The following RBBP8 variants were observed in gnomAD, a reference collection of about 807,000 sequenced individuals.
The protein encoded by RBBP8 is DNA endonuclease RBBP8.
Under a neutral mutation model 108.3 loss-of-function variants are expected in RBBP8, and 88 were observed. The ratio of observed to expected loss-of-function variants is 0.81; its 90% CI spans 0.68 to 0.97. RBBP8 has a LOEUF of 0.97. RBBP8 is among the 50% of genes least tolerant of loss of function. RBBP8 has a pLI of 0.00. For synonymous variants in RBBP8, 332 were observed against 348.2 expected, an observed-to-expected ratio of 0.95 and a Z score of 0.52; for missense variants, 1,023 against 1,049.0, an observed-to-expected ratio of 0.98 and a Z score of 0.34.
chr18:22,933,718 A>C (rs1040084350), intron 1 of RBBP8, 154 bp downstream of exon 1: 2 of 152,126 alleles, frequency 1.3e-5, no homozygotes, highest in Non-Finnish European at 1.5e-5. Context: ...CCCGGGCTAC[A>C]CTCGGTGGTG....
At chr18:22,954,072 A>T (rs1029733344) in intron 4 of RBBP8, among the ~76,000 whole-genome samples, 1 of 152,088 alleles carries the variant, frequency 6.6e-6, no homozygotes, top group African/African-American at 2.4e-5. Context: ...TGTGGGAACT[A>T]CAATTCAAGT....
At chr18:22,985,167 T>C (rs1915232033) in intron 8 of RBBP8, 177 bp downstream of exon 8, 1 of 364,424 alleles carries the variant, frequency 2.7e-6, no homozygotes. Flanking sequence ...TTCATATAAA[T>C]ATCCCTAATC....
intron 17 of RBBP8, among the ~76,000 whole-genome samples, chr18:23,020,603 A>C (rs1330830347): frequency 6.6e-6 from 1 of 151,470 alleles, no homozygotes; most frequent in South Asian, 2.1e-4. Flanking sequence ...TTTTTTTTTA[A>C]ATAATCTTTT....
chr18:22,933,242 C>G (rs7226951), upstream of RBBP8: 5 of 152,310 alleles, frequency 3.3e-5, no homozygotes, highest in East Asian at 7.7e-4. Context: ...TGGGCCGCAC[C>G]GAAGAGCCCG....
chr18:22,942,746 G>T (rs567303967), intron 2 of RBBP8, among the ~76,000 whole-genome samples: 7 of 152,044 alleles, frequency 4.6e-5, no homozygotes, highest in African/African-American at 1.7e-4. Context: ...ATTTATTTGG[G>T]TACAAAATTT....
At chr18:22,956,804 A>G (rs1159808392) in intron 4 of RBBP8, among the ~76,000 whole-genome samples, 2 of 152,172 alleles carry the variant, frequency 1.3e-5, no homozygotes, top group African/African-American at 4.8e-5. Flanking sequence ...TGGCTCATTT[A>G]TGTTTAATGA....
intron 6 of RBBP8, among the ~76,000 whole-genome samples, chr18:22,977,467 G>A (rs1026380108): frequency 6.6e-6 from 1 of 151,992 alleles, no homozygotes; most frequent in Non-Finnish European, 1.5e-5. Context: ...CCACTATAAA[G>A]TTAAAAATGT....
Position 22,936,975 on chromosome 18 carries a change from T to G in RBBP8, c.109+15T>G, listed in dbSNP as rs1217800960. The G allele has an allele frequency of 1.2e-6, 2 of 1,613,492 alleles. No individual in the cohort carries two copies. Among genetic ancestry groups the G allele is most frequent in the East Asian group, 2.2e-5 (1 of 44,878 alleles). On this transcript the variant is annotated intron_variant, in intron 2 of 18. Transcript: ENST00000327155. ...AGAAGTACAAGGTAAAATCTTTTCTTAAATACTTACAGCAGTATTTTGTTG... is the reference window on the plus strand; with the variant it reads ...AGAAGTACAAGGTAAAATCTTTTCTGAAATACTTACAGCAGTATTTTGTTG...
chr18:22,944,523 A>T (rs187880189), intron 2 of RBBP8, among the ~76,000 whole-genome samples: 104 of 152,342 alleles, frequency 6.8e-4, no homozygotes, highest in African/African-American at 2.2e-3. Flanking sequence ...GATGCACCAC[A>T]GGTTTTGGTT....
chr18:22,939,486 A>G (rs1598637742), intron 2 of RBBP8, among the ~76,000 whole-genome samples: 1 of 152,032 alleles, frequency 6.6e-6, no homozygotes, highest in South Asian at 2.1e-4. Context: ...AGATCACGCT[A>G]TTGCACTCCA....
chr18:23,022,665 A>AAATAAAT (rs2046387171), intron 18 of RBBP8, among the ~76,000 whole-genome samples: 5 of 141,478 alleles, frequency 3.5e-5, no homozygotes, highest in Non-Finnish European at 6.1e-5. Flanking sequence ...AAATAAAATA[A>AAATAAAT]AATAAATAAC....
At chr18:23,013,672 G>A (rs138874869) in intron 16 of RBBP8, among the ~76,000 whole-genome samples, 13 of 152,274 alleles carry the variant, frequency 8.5e-5, no homozygotes, top group African/African-American at 3.1e-4. Context: ...GGAAGGAGCT[G>A]ATAATCATCT....
intron 2 of RBBP8, among the ~76,000 whole-genome samples, chr18:22,945,450 G>T (rs999352531): frequency 1.3e-5 from 2 of 151,764 alleles, no homozygotes; most frequent in East Asian, 3.9e-4. Context: ...TGCAATGGCG[G>T]GATCTCAGCT....
intron 4 of RBBP8, among the ~76,000 whole-genome samples, chr18:22,952,412 A>G (rs898122398): frequency 6.6e-6 from 1 of 152,224 alleles, no homozygotes; most frequent in African/African-American, 2.4e-5. Flanking sequence ...CCAGCAAAAG[A>G]TTGAGAAAGA....
rs1479037937 is a variant in RBBP8, at chr18:22,985,005, G to A, written c.709+15G>A. 1.2e-6 allele frequency: 2 copies of A among 1,609,650 alleles called. No homozygotes were observed. The highest frequency in any genetic ancestry group is 1.3e-5 in the African/African-American group (1 of 74,950). ...TCCAATGGCCAGTAAGCAAGATACT[G>A]AGATTACTTTACAAGTTTAAAATTG... On this transcript the variant is annotated intron_variant, in intron 8 of 18. Coordinates refer to ENST00000327155, the MANE Select transcript of RBBP8 (RefSeq NM_002894.3).
At chr18:22,980,187 A>G (rs1242502141) in intron 6 of RBBP8, among the ~76,000 whole-genome samples, 5 of 152,144 alleles carry the variant, frequency 3.3e-5, no homozygotes, top group African/African-American at 1.2e-4. Context: ...CAGAGGTTGT[A>G]GTGAGCCGAG....
intron 7 of RBBP8, among the ~76,000 whole-genome samples, chr18:22,983,385 T>C (rs1670876794): frequency 6.6e-6 from 1 of 152,228 alleles, no homozygotes; most frequent in African/African-American, 2.4e-5. Context: ...CCCCACTTTA[T>C]AAGCGTTTGT....
intron 4 of RBBP8, among the ~76,000 whole-genome samples, chr18:22,967,645 ATTTT>A (rs1410826642): frequency 3.0e-5 from 4 of 131,500 alleles, no homozygotes; most frequent in Admixed American, 7.7e-5. Context: ...GCTATTTCGT[ATTTT>A]TTTTTTTTTT....
At chr18:22,985,799 C>T (rs1915285981) in intron 8 of RBBP8, among the ~76,000 whole-genome samples, 1 of 151,914 alleles carries the variant, frequency 6.6e-6, no homozygotes, top group Non-Finnish European at 1.5e-5. Context: ...GATGGAGACA[C>T]ATATGGAGGT....
Sources: allele counts gnomAD v4.1 joint callset (sites outside exome capture counted in the v4.1 genomes callset), GRCh38; gene constraint gnomAD v4.1.1; transcripts MANE v1.5; gene names NCBI Gene and HGNC (gene_info 2026-07-23, HGNC 2026-07-21).